Variants in P3H2 observed in about 807,000 individuals in gnomAD.
The protein encoded by P3H2 is prolyl 3-hydroxylase 2.
A neutral mutation model predicts 87.0 loss-of-function variants in P3H2; 80 were observed. That is an observed-to-expected ratio of 0.92 (90% confidence interval 0.77 to 1.11). P3H2 has a LOEUF of 1.11. Ranked by LOEUF, P3H2 falls within the 50% of genes least tolerant of loss-of-function variation. The pLI is 0.00. For synonymous variants in P3H2, 367 were observed against 359.3 expected (o/e 1.02, Z -0.24); for missense variants, 1,001 against 923.9 (o/e 1.08, Z -1.08).
At chr3:190,061,959 A>G (rs551954457) in intron 1 of P3H2, among the ~76,000 whole-genome samples, 41 of 152,262 alleles carry the variant, frequency 2.7e-4, no homozygotes, top group African/African-American at 8.4e-4. Flanking sequence ...AGTATATAAA[A>G]TGCCTGGCAT....
chr3:189,967,635 C>T (rs1577244185), intron 13 of P3H2, among the ~76,000 whole-genome samples: 1 of 151,966 alleles, frequency 6.6e-6, no homozygotes, highest in Admixed American at 6.6e-5. Context: ...AACTCCAATA[C>T]AGATCGTCAA....
intron 1 of P3H2, among the ~76,000 whole-genome samples, chr3:190,016,763 CT>C (rs1309269788): frequency 6.6e-6 from 1 of 152,222 alleles, no homozygotes; most frequent in African/African-American, 2.4e-5. Context: ...GTACTTGCAT[CT>C]TCTGCAGAGT....
chr3:189,974,202 T>C, intron 9 of P3H2, 198 bp from the exon 10 acceptor site: 2 of 606,086 alleles, frequency 3.3e-6, no homozygotes, highest in Non-Finnish European at 5.8e-6. Context: ...ATTTTTATTA[T>C]CAAATACTGT....
intron 1 of P3H2, among the ~76,000 whole-genome samples, chr3:190,035,206 T>C (rs1725383154): frequency 6.6e-6 from 1 of 152,108 alleles, no homozygotes; most frequent in East Asian, 1.9e-4. Context: ...AATTGCTTCC[T>C]TGGCAACTAG....
intron 1 of P3H2, among the ~76,000 whole-genome samples, chr3:190,045,258 T>C (rs1185108981): frequency 6.6e-6 from 1 of 152,212 alleles, no homozygotes; most frequent in African/African-American, 2.4e-5. Flanking sequence ...GTGAAAAGCT[T>C]GGATTTATTT....
Position 189,986,235 on chromosome 3 carries a change from G to C in P3H2, c.1188+553C>G, listed in dbSNP as rs1577255154. On this transcript the variant is annotated intron_variant, in intron 6 of 14. Coordinates refer to ENST00000319332, the MANE Select transcript of P3H2 (RefSeq NM_018192.4). ...ACTTTTACCCAATAGATTTGCTTTT[G>C]ACTTTAGACCTTGTTAATATGGAAT... Among the ~76,000 whole-genome samples the C allele has an allele frequency of 2.0e-5, 3 of 152,304 alleles. 1 individual carries two copies. The highest frequency in any genetic ancestry group is 2.1e-4 in the South Asian group (1 of 4,830).
chr3:190,032,327 T>C (rs1447946), intron 1 of P3H2, among the ~76,000 whole-genome samples: 119,837 of 152,158 alleles, frequency 0.79, 47,257 homozygotes, highest in East Asian at 0.86. Context: ...AAATTTACTA[T>C]ATGAATTGCC....
intron 1 of P3H2, among the ~76,000 whole-genome samples, chr3:190,033,032 C>G (rs539320959): frequency 6.6e-6 from 1 of 152,276 alleles, no homozygotes; most frequent in African/African-American, 2.4e-5. Flanking sequence ...TGATGGGAGA[C>G]AGTGACAGAT....
chr3:190,041,031 TATATATACACACACACACACACAC>T (rs1725593987), intron 1 of P3H2, among the ~76,000 whole-genome samples: 1 of 51,706 alleles, frequency 1.9e-5, no homozygotes. Flanking sequence ...TATATATATA[TATATATACACACACACACACACAC>T]ACACACACAC....
chr3:189,978,016 A>G (rs906325620), intron 8 of P3H2, among the ~76,000 whole-genome samples: 2 of 152,224 alleles, frequency 1.3e-5, no homozygotes, highest in Non-Finnish European at 2.9e-5. Flanking sequence ...AAATTGAGAC[A>G]GGCATTCCCT....
upstream of P3H2, among the ~76,000 whole-genome samples, chr3:190,122,038 G>A (rs149012982): frequency 6.2e-3 from 871 of 140,896 alleles, 3 homozygotes; most frequent in Middle Eastern, 0.018. Context: ...GTTGCAGTGA[G>A]CTGAGATCAT....
chr3:189,963,025 T>C (rs2108902442), intron 14 of P3H2, among the ~76,000 whole-genome samples: 1 of 152,346 alleles, frequency 6.6e-6, no homozygotes, highest in African/African-American at 2.4e-5. Flanking sequence ...TGGGCTTTGA[T>C]TGGAGCCATC....
rs1376292685 is a variant in P3H2, at chr3:189,957,559, A to C, written c.*353T>G. 5.0e-6 allele frequency: 2 copies of C among 396,730 alleles called. No individual in the cohort carries two copies. Among genetic ancestry groups the C allele is most frequent in the African/African-American group, 4.1e-5 (2 of 49,096 alleles). 24.6% of individuals were successfully genotyped at this position (396,730 alleles called of 1,614,324 possible). A position where few individuals can be genotyped will look rare whatever the true frequency, so the allele number is the denominator to read the frequency against. On this transcript the variant is annotated 3_prime_UTR_variant, in exon 15 of 15. Coordinates refer to ENST00000319332, the MANE Select transcript of P3H2 (RefSeq NM_018192.4). Reference sequence around the variant, plus strand: ...AAGAAAGAGAGCTGGGTGTGGTGGCACGTGCCTGTGGTCCCAGCTCCCCGG... The same window carrying C: ...AAGAAAGAGAGCTGGGTGTGGTGGCCCGTGCCTGTGGTCCCAGCTCCCCGG...
At chr3:190,095,983 A>C (rs1416146205) in intron 1 of P3H2, among the ~76,000 whole-genome samples, 2 of 148,168 alleles carry the variant, frequency 1.3e-5, no homozygotes, top group Non-Finnish European at 3.0e-5. Flanking sequence ...ACAACAACAA[A>C]AACCCATGTG....
chr3:190,090,364 T>A (rs796920101), intron 1 of P3H2, among the ~76,000 whole-genome samples: 7 of 152,282 alleles, frequency 4.6e-5, no homozygotes, highest in African/African-American at 1.7e-4. Context: ...TTTATGGACA[T>A]ATTTTTCACA....
chr3:190,079,937 CATAAT>C (rs1486622068), intron 1 of P3H2, among the ~76,000 whole-genome samples: 1 of 152,120 alleles, frequency 6.6e-6, no homozygotes, highest in African/African-American at 2.4e-5. Flanking sequence ...ATTTAAATAA[CATAAT>C]ATATGAAAAG....
At chr3:190,082,559 G>A (rs941903530) in intron 1 of P3H2, among the ~76,000 whole-genome samples, 2 of 152,120 alleles carry the variant, frequency 1.3e-5, no homozygotes, top group African/African-American at 4.8e-5. Flanking sequence ...TGTTATTTGT[G>A]CTAGGAACAC....
rs1723098358 is a variant in P3H2, at chr3:189,969,245, C to A, written c.1893+1571G>T. 6.4e-5 allele frequency: 50 copies of A among 783,116 alleles called. No homozygotes were observed. In the South Asian group the frequency reaches 6.7e-4, roughly 10 times the overall value. 48.5% of individuals were successfully genotyped at this position (783,116 alleles called of 1,614,324 possible). A position where few individuals can be genotyped will look rare whatever the true frequency, so the allele number is the denominator to read the frequency against. On this transcript the variant is annotated intron_variant, in intron 13 of 14. Coordinates refer to ENST00000319332, the MANE Select transcript of P3H2 (RefSeq NM_018192.4). The stretch of plus-strand genomic sequence containing the variant: ...GCAATACTCGCATAACAAATTCCAG[C>A]CTCTTTAGTGAGAACCACCTCTGGA...
At chr3:190,098,187 A>G (rs565869296) in intron 1 of P3H2, among the ~76,000 whole-genome samples, 76 of 152,332 alleles carry the variant, frequency 5.0e-4, no homozygotes, top group Non-Finnish European at 3.7e-4. Flanking sequence ...AACATTTCAA[A>G]ATACTTTCCT....
Sources: gnomAD v4.1 joint callset for allele counts (sites outside exome capture counted in the v4.1 genomes callset) on GRCh38, gnomAD v4.1.1 for gene constraint, MANE v1.5 for transcripts, NCBI Gene and HGNC (gene_info 2026-07-23, HGNC 2026-07-21) for gene names.